Variants in ANK3 observed in about 807,000 individuals in gnomAD.
The protein encoded by ANK3 is ankyrin 3, also known as ankyrin-3.
ANK3 carries 57 observed loss-of-function variants against 370.9 expected under a neutral mutation model. That is an observed-to-expected ratio of 0.15 (90% confidence interval 0.12 to 0.19). The LOEUF (loss-of-function observed/expected upper bound fraction) is 0.19, where lower values mean the gene tolerates loss of function less well. Ranked by LOEUF, ANK3 falls within the 10% of genes least tolerant of loss-of-function variation. The probability of loss-of-function intolerance (pLI) is 1.00; values close to 1 mark genes in which losing one functional copy is unlikely to be tolerated. For synonymous variants in ANK3, 1,929 were observed against 1,946.3 expected, an observed-to-expected ratio of 0.99 and a Z score of 0.23; for missense variants, 4,439 against 5,302.1, an observed-to-expected ratio of 0.84 and a Z score of 5.06.
chr10:60,257,867 T>C (rs1487648845), intron 7 of ANK3, among the ~76,000 whole-genome samples: 1 of 152,208 alleles, frequency 6.6e-6, no homozygotes, highest in Non-Finnish European at 1.5e-5. Flanking sequence ...ATGGCAAGAC[T>C]AACAGAAGAA....
intron 7 of ANK3, among the ~76,000 whole-genome samples, chr10:60,259,741 C>T (rs2097778833): frequency 6.6e-6 from 1 of 152,114 alleles, no homozygotes; most frequent in South Asian, 2.1e-4. Flanking sequence ...CTTCAAACAC[C>T]ACCCTGACAT....
chr10:60,043,478 T>C (rs1172463560), intron 42 of ANK3: 40 of 984,978 alleles, frequency 4.1e-5, no homozygotes, highest in Non-Finnish European at 4.7e-5. Context: ...TAACCAGAGA[T>C]GTTTTCTCTG....
intron 2 of ANK3, among the ~76,000 whole-genome samples, chr10:60,537,717 C>T (rs1595231612): frequency 6.6e-6 from 1 of 151,786 alleles, no homozygotes; most frequent in Admixed American, 6.6e-5. Context: ...TAAATATTCC[C>T]AAGCAGGCTT....
rs536996191 is a variant in ANK3 at position 60,505,016 on chromosome 10, C to A, written c.96+110170G>T. On this transcript the variant is annotated intron_variant, in intron 2 of 43. Transcript: ENST00000373827. ...TATTGTTGTAGTTATCTAAAAAAAA[C>A]TCCCTTTTTTAGACACGTATATGAA... 1.8e-4 allele frequency among the ~76,000 whole-genome samples: 28 copies of A among 152,146 alleles called. 1 individual carries two copies. In the South Asian group the frequency reaches 4.6e-3, roughly 25 times the overall value.
At chr10:60,129,914 G>C (rs925039121) in intron 25 of ANK3, among the ~76,000 whole-genome samples, 2 of 152,084 alleles carry the variant, frequency 1.3e-5, no homozygotes. Context: ...GGTAATTTTT[G>C]GCTAACAGAA....
At chr10:60,226,770 A>G (rs1279500765) in intron 8 of ANK3, among the ~76,000 whole-genome samples, 1 of 145,426 alleles carries the variant, frequency 6.9e-6, no homozygotes, top group Non-Finnish European at 1.5e-5. Flanking sequence ...TATTACATAT[A>G]TACTGAATTA....
At chr10:60,065,782 A>C (rs1193512747) in intron 38 of ANK3, among the ~76,000 whole-genome samples, 1 of 152,214 alleles carries the variant, frequency 6.6e-6, no homozygotes, top group African/African-American at 2.4e-5. Flanking sequence ...CTTTTATATA[A>C]TATTCCATTT....
chr10:60,230,525 G>C (rs139455549), intron 8 of ANK3, among the ~76,000 whole-genome samples: 49 of 152,312 alleles, frequency 3.2e-4, no homozygotes, highest in Admixed American at 6.5e-4. Context: ...TAACAAGCCA[G>C]TTGATATTAA....
chr10:60,724,252 C>G (rs1354898870), intron 1 of ANK3, among the ~76,000 whole-genome samples: 1 of 148,706 alleles, frequency 6.7e-6, no homozygotes, highest in Non-Finnish European at 1.5e-5. Flanking sequence ...TCTCCTCTAG[C>G]GCCCCCAGAA....
chr10:60,045,697 C>T (rs1235377159), intron 42 of ANK3, among the ~76,000 whole-genome samples: 1 of 152,132 alleles, frequency 6.6e-6, no homozygotes, highest in East Asian at 1.9e-4. Context: ...ACAAAAACAG[C>T]TGCCTTCCTG....
At chr10:60,724,269 T>C (rs1420592475) in intron 1 of ANK3, among the ~76,000 whole-genome samples, 3 of 135,034 alleles carry the variant, frequency 2.2e-5, no homozygotes, top group Non-Finnish European at 4.8e-5. Flanking sequence ...AGAAGGAACA[T>C]AGCCCTGCTG....
intron 23 of ANK3, among the ~76,000 whole-genome samples, chr10:60,157,053 T>C (rs999780234): frequency 6.6e-6 from 1 of 151,386 alleles, no homozygotes; most frequent in Non-Finnish European, 1.5e-5. Flanking sequence ...TTTTTTTTTT[T>C]CGAGATAGAG....
chr10:60,036,116 T>A (rs1173852030), intron 43 of ANK3, among the ~76,000 whole-genome samples: 1 of 152,110 alleles, frequency 6.6e-6, no homozygotes, highest in Non-Finnish European at 1.5e-5. Context: ...GGAATAAGGA[T>A]ACCTGTTGTA....
chr10:60,186,301 G>T (rs2096326679), intron 17 of ANK3, among the ~76,000 whole-genome samples: 1 of 150,062 alleles, frequency 6.7e-6, no homozygotes. Context: ...TATACTCATT[G>T]TCTGACTGAA....
intron 2 of ANK3, among the ~76,000 whole-genome samples, chr10:60,546,220 G>C (rs1463302213): frequency 6.6e-6 from 1 of 152,012 alleles, no homozygotes; most frequent in Non-Finnish European, 1.5e-5. Context: ...ATTTTTTGTA[G>C]AGACAGGGTC....
chr10:60,486,363 G>A (rs1180701781), intron 2 of ANK3, among the ~76,000 whole-genome samples: 1 of 152,204 alleles, frequency 6.6e-6, no homozygotes, highest in African/African-American at 2.4e-5. Context: ...TGGATCACTT[G>A]AGGTCAGGAG....
intron 43 of ANK3, among the ~76,000 whole-genome samples, chr10:60,031,288 A>C (rs1170333521): frequency 6.6e-6 from 1 of 152,144 alleles, no homozygotes; most frequent in East Asian, 1.9e-4. Flanking sequence ...ATTGTATTTG[A>C]GCTTTTTAGT....
At chr10:60,630,731 T>C (rs1201097803) in intron 1 of ANK3, among the ~76,000 whole-genome samples, 8 of 152,004 alleles carry the variant, frequency 5.3e-5, no homozygotes, top group Admixed American at 5.2e-4. Context: ...AATATGTTGA[T>C]AAAAAAGCAC....
At chr10:60,125,012 G>A (rs1041851840) in intron 25 of ANK3, among the ~76,000 whole-genome samples, 4 of 152,108 alleles carry the variant, frequency 2.6e-5, no homozygotes, top group African/African-American at 9.6e-5. Context: ...GGCAAACCGC[G>A]ACCCAAATAG....
Sources: gnomAD v4.1 joint callset for allele counts (sites outside exome capture counted in the v4.1 genomes callset) on GRCh38, gnomAD v4.1.1 for gene constraint, MANE v1.5 for transcripts, NCBI Gene and HGNC (gene_info 2026-07-23, HGNC 2026-07-21) for gene names.